Variants in SSBP2 observed in about 807,000 individuals in gnomAD.
SSBP2 encodes the protein single-stranded DNA-binding protein 2.
SSBP2 carries 17 observed loss-of-function variants against 61.8 expected under a neutral mutation model. The observed-to-expected ratio is 0.28, with a 90% CI of 0.19 to 0.41. The LOEUF (loss-of-function observed/expected upper bound fraction) is 0.41. Among genes scored for constraint, SSBP2 ranks in the 10% least tolerant of loss-of-function variants. SSBP2 has a pLI of 1.00. For missense variants in SSBP2, 310 were observed against 458.7 expected, an observed-to-expected ratio of 0.68 and a Z score of 2.96; for synonymous variants, 139 against 141.3, an observed-to-expected ratio of 0.98 and a Z score of 0.12.
intron 1 of SSBP2, chr5:81,710,772 A>T (rs1017887035): frequency 4.6e-6 from 2 of 432,182 alleles, no homozygotes; most frequent in African/African-American, 4.1e-5. Flanking sequence ...ATGAATTCTA[A>T]AAAGAAGTGA....
intron 2 of SSBP2, among the ~76,000 whole-genome samples, chr5:81,644,933 C>T (rs913348409): frequency 2.6e-5 from 4 of 152,170 alleles, no homozygotes; most frequent in South Asian, 2.1e-4. Flanking sequence ...ACACTTGGAA[C>T]GCACATGTAC....
Position 81,451,176 on chromosome 5 carries a change from C to T in SSBP2, c.688-2351G>A, listed in dbSNP as rs756862547. 1.6e-4 allele frequency among the ~76,000 whole-genome samples: 25 copies of T among 152,230 alleles called. 1 individual carries two copies. Among genetic ancestry groups the T allele is most frequent in the Non-Finnish European group, 2.6e-4 (18 of 67,992 alleles). On this transcript the variant is annotated intron_variant, in intron 10 of 16. Coordinates refer to ENST00000320672, the MANE Select transcript of SSBP2 (RefSeq NM_012446.5). ...AAATTCCTGAATATTTAACAATGGACTCTTGTGAGCTGGCACTCATGGTGA... is the reference window on the plus strand; with the variant it reads ...AAATTCCTGAATATTTAACAATGGATTCTTGTGAGCTGGCACTCATGGTGA...
chr5:81,466,672 T>C (rs1392540598), intron 9 of SSBP2, among the ~76,000 whole-genome samples: 5 of 151,886 alleles, frequency 3.3e-5, no homozygotes, highest in African/African-American at 1.2e-4. Flanking sequence ...TCTGTAGTTA[T>C]CAAAATGAAA....
intron 1 of SSBP2, among the ~76,000 whole-genome samples, chr5:81,688,553 A>G (rs536737262): frequency 2.0e-4 from 30 of 152,334 alleles, no homozygotes; most frequent in African/African-American, 7.2e-4. Context: ...AGCTCCAGGC[A>G]CCTCAGCACA....
At chr5:81,554,017 G>A (rs1283850199) in intron 4 of SSBP2, among the ~76,000 whole-genome samples, 1 of 151,950 alleles carries the variant, frequency 6.6e-6, no homozygotes, top group Admixed American at 6.6e-5. Flanking sequence ...TCCCCCAAAT[G>A]CCATTAGAGA....
rs374182389 is a variant in SSBP2 at position 81,556,241 on chromosome 5, C to G, written c.283-42524G>C. 1.9e-3 allele frequency among the ~76,000 whole-genome samples: 282 copies of G among 152,190 alleles called. 1 individual carries two copies. Among genetic ancestry groups the G allele is most frequent in the African/African-American group, 6.4e-3 (265 of 41,552 alleles). The stretch of plus-strand genomic sequence containing the variant: ...ACAGATTTACCCCAACACACAATAT[C>G]AAGGACTATGTTCATTTCCAGTGGT... On this transcript the variant is annotated intron_variant, in intron 4 of 16. Transcript: ENST00000320672.
chr5:81,712,179 T>G (rs1754838854), intron 1 of SSBP2, among the ~76,000 whole-genome samples: 1 of 150,652 alleles, frequency 6.6e-6, no homozygotes, highest in African/African-American at 2.5e-5. Flanking sequence ...CAGATGGATA[T>G]TCATAAGACC....
chr5:81,650,384 T>C, intron 1 of SSBP2, 45 bp from the exon 2 acceptor site: 1 of 1,343,850 alleles, frequency 7.4e-7, no homozygotes. Flanking sequence ...AATATTAAAA[T>C]TCATTCTTTA....
At chr5:81,472,504 G>A (rs562586417) in intron 8 of SSBP2, among the ~76,000 whole-genome samples, 1 of 152,208 alleles carries the variant, frequency 6.6e-6, no homozygotes, top group South Asian at 2.1e-4. Flanking sequence ...AAATATGATT[G>A]TAAAGAATAA....
chr5:81,621,812 T>C (rs1280943104), intron 3 of SSBP2, among the ~76,000 whole-genome samples: 1 of 110,566 alleles, frequency 9.0e-6, no homozygotes, highest in Non-Finnish European at 1.8e-5. Context: ...TGTAGGGACA[T>C]GGATGAAATT....
At chr5:81,519,888 A>G (rs1311678805) in intron 4 of SSBP2, among the ~76,000 whole-genome samples, 1 of 151,936 alleles carries the variant, frequency 6.6e-6, no homozygotes. Context: ...TTTCATTAAC[A>G]TGTTTACTTC....
chr5:81,443,956 T>C (rs898796322), intron 12 of SSBP2, among the ~76,000 whole-genome samples: 5 of 152,250 alleles, frequency 3.3e-5, no homozygotes, highest in Admixed American at 6.5e-5. Flanking sequence ...GCAGTAACCA[T>C]AGAGTGGCAA....
At chr5:81,674,618 C>G (rs1561679580) in intron 1 of SSBP2, among the ~76,000 whole-genome samples, 1 of 151,958 alleles carries the variant, frequency 6.6e-6, no homozygotes, top group Non-Finnish European at 1.5e-5. Context: ...CCTAATTCTC[C>G]CAGATGTTAG....
At chr5:81,686,718 G>A (rs555650858) in intron 1 of SSBP2, among the ~76,000 whole-genome samples, 1 of 151,848 alleles carries the variant, frequency 6.6e-6, no homozygotes, top group Admixed American at 6.6e-5. Context: ...AGCCGGGTGT[G>A]GTGGCATGTG....
chr5:81,525,958 T>C (rs1769900600), intron 4 of SSBP2, among the ~76,000 whole-genome samples: 1 of 152,064 alleles, frequency 6.6e-6, no homozygotes, highest in South Asian at 2.1e-4. Flanking sequence ...AGGTAGAGCT[T>C]TGCATCAATA....
At chr5:81,695,227 A>G (rs1390644615) in intron 1 of SSBP2, among the ~76,000 whole-genome samples, 1 of 152,232 alleles carries the variant, frequency 6.6e-6, no homozygotes, top group Non-Finnish European at 1.5e-5. Flanking sequence ...AGTATCTGCA[A>G]TGTTTGTACT....
chr5:81,714,092 G>T (rs1269218839), intron 1 of SSBP2, among the ~76,000 whole-genome samples: 2 of 152,036 alleles, frequency 1.3e-5, no homozygotes, highest in African/African-American at 4.8e-5. Flanking sequence ...GGTGTGTGGT[G>T]TTTCCCTCCC....
intron 4 of SSBP2, among the ~76,000 whole-genome samples, chr5:81,521,702 C>T (rs1769498654): frequency 6.6e-6 from 1 of 151,926 alleles, no homozygotes; most frequent in South Asian, 2.1e-4. Flanking sequence ...CTTTAAATTA[C>T]TTGCCTGGAA....
At chr5:81,514,680 AC>A (rs1768875836) in intron 4 of SSBP2, among the ~76,000 whole-genome samples, 1 of 152,020 alleles carries the variant, frequency 6.6e-6, no homozygotes, top group Non-Finnish European at 1.5e-5. Flanking sequence ...CGCTATCTTC[AC>A]CTATATTTCA....
Sources: allele counts gnomAD v4.1 joint callset (sites outside exome capture counted in the v4.1 genomes callset), GRCh38; gene constraint gnomAD v4.1.1; transcripts MANE v1.5; gene names NCBI Gene and HGNC (gene_info 2026-07-23, HGNC 2026-07-21).